Variants in PCDHA1 observed in about 807,000 individuals in gnomAD.
The protein encoded by PCDHA1 is protocadherin alpha 1.
A neutral mutation model predicts 61.3 loss-of-function variants in PCDHA1; 42 were observed. The observed-to-expected ratio is 0.69, with a 90% CI of 0.54 to 0.89. The LOEUF (loss-of-function observed/expected upper bound fraction) is 0.89, where lower values mean the gene tolerates loss of function less well. Ranked by LOEUF, PCDHA1 falls within the 40% of genes least tolerant of loss-of-function variation. The probability of loss-of-function intolerance (pLI) is 0.00; values close to 1 mark genes in which losing one functional copy is unlikely to be tolerated. For missense variants in PCDHA1, 1,256 were observed against 1,235.3 expected, an observed-to-expected ratio of 1.02 and a Z score of -0.25; for synonymous variants, 610 against 553.8, an observed-to-expected ratio of 1.10 and a Z score of -1.43.
chr5:140,795,675 C>T (rs1761982798), intron 1 of PCDHA1: 1 of 1,614,078 alleles, frequency 6.2e-7, no homozygotes, highest in Non-Finnish European at 8.5e-7. Flanking sequence ...ATGTAAATGA[C>T]AATGAACCAA....
chr5:140,809,511 G>A lies in PCDHA1; in HGVS notation c.2394+20827G>A, dbSNP rs374214403. On this transcript the variant is annotated intron_variant, in intron 1 of 3. Coordinates refer to ENST00000504120, the MANE Select transcript of PCDHA1 (RefSeq NM_018900.4). ...ACCGACCTCATGGCCTTCAGCCCCA[G>A]TTTACCTGACTCTAGGGACAGAGAA... 1.3e-5 allele frequency: 21 copies of A among 1,614,228 alleles called. No individual in the cohort carries two copies. The African/African-American group carries it at 1.9e-4, about 14-fold the overall frequency.
In PCDHA1 at chr5:140,857,765, G is replaced by A. The variant is rs374400381; in HGVS notation, c.2394+69081G>A. The stretch of plus-strand genomic sequence containing the variant: ...GCTGGCGTCTCCCGCTGGCAGCGCG[G>A]GCGGTGCAGTCAGTGAGCTGGTGCT... On this transcript the variant is annotated intron_variant, in intron 1 of 3. Coordinates refer to ENST00000504120, the MANE Select transcript of PCDHA1 (RefSeq NM_018900.4). The A allele has an allele frequency of 6.1e-5, 98 of 1,597,608 alleles. 8 individuals are homozygous for A. In the African/African-American group the frequency reaches 1.2e-3, roughly 19 times the overall value.
chr5:140,927,939 A>G (rs782391525), intron 1 of PCDHA1: 1 of 1,614,234 alleles, frequency 6.2e-7, no homozygotes, highest in Non-Finnish European at 8.5e-7. Flanking sequence ...CGAACCCAGT[A>G]CCTGAGGACG....
chr5:140,869,043 A>G, intron 1 of PCDHA1: 2 of 1,530,132 alleles, frequency 1.3e-6, no homozygotes, highest in Non-Finnish European at 1.8e-6. Flanking sequence ...TTAACCTGAA[A>G]CTGAAGAATC....
intron 1 of PCDHA1, among the ~76,000 whole-genome samples, chr5:140,950,723 A>G (rs1478275346): frequency 1.3e-5 from 2 of 151,984 alleles, no homozygotes; most frequent in African/African-American, 4.8e-5. Flanking sequence ...ATATCCTTAA[A>G]TTTTTTAATC....
At chr5:140,861,033 G>A (rs1443263351) in intron 1 of PCDHA1, 1 of 152,266 alleles carries the variant, frequency 6.6e-6, no homozygotes, top group Non-Finnish European at 1.5e-5. Flanking sequence ...CCGGCCGAAA[G>A]GTATTTTTTT....
chr5:140,877,179 G>A (rs1554169418), intron 1 of PCDHA1: 8 of 1,613,712 alleles, frequency 5.0e-6, no homozygotes, highest in East Asian at 2.2e-5. Flanking sequence ...TGGCGACTCC[G>A]GCTGGCAGCG....
Position 140,858,148 on chromosome 5 carries a change from C to T in PCDHA1, c.2394+69464C>T, listed in dbSNP as rs189442889. The T allele has an allele frequency of 6.1e-4, 978 of 1,597,640 alleles. 22 individuals are homozygous for T. In the East Asian group the frequency reaches 0.021, roughly 34 times the overall value. On this transcript the variant is annotated intron_variant, in intron 1 of 3. Coordinates refer to ENST00000504120, the MANE Select transcript of PCDHA1 (RefSeq NM_018900.4). ...TGGATGTCAACGTGTACCTGATCAT[C>T]GCCATCTGCGCGGTGTCCAGCTTGC...
At chr5:140,968,665 T>C (rs782078145) in intron 1 of PCDHA1, 4 of 1,614,042 alleles carry the variant, frequency 2.5e-6, no homozygotes, top group Non-Finnish European at 3.4e-6. Context: ...TGGACCTCTT[T>C]AAGGTAGAGC....
At chr5:140,927,619 C>T (rs2084429859) in intron 1 of PCDHA1, 3 of 1,614,170 alleles carry the variant, frequency 1.9e-6, no homozygotes, top group Non-Finnish European at 2.5e-6. Flanking sequence ...CACCAAGGTT[C>T]CAGAGACTGC....
intron 2 of PCDHA1, among the ~76,000 whole-genome samples, chr5:140,980,947 G>T (rs1430215851): frequency 6.6e-6 from 1 of 152,032 alleles, no homozygotes; most frequent in Non-Finnish European, 1.5e-5. Context: ...GCTGGCTCCA[G>T]GATAGTTACA....
intron 1 of PCDHA1, chr5:140,795,155 T>G: frequency 6.2e-7 from 1 of 1,614,044 alleles, no homozygotes; most frequent in Non-Finnish European, 8.5e-7. Flanking sequence ...CCGCGCCTGT[T>G]CCGGGTGGCG....
Position 140,901,601 on chromosome 5 carries a change from A to T in PCDHA1, c.2395-77348A>T, listed in dbSNP as rs1448240708. Among the ~76,000 whole-genome samples, 3 of 152,078 alleles carry T rather than the reference A, an allele frequency of 2.0e-5. 1 individual carries two copies. The highest frequency in any genetic ancestry group is 1.3e-4 in the Admixed American group (2 of 15,264). On this transcript the variant is annotated intron_variant, in intron 1 of 3. Transcript: ENST00000504120. Reference sequence around the variant, plus strand: ...AGTGCCATGATGTTTTGGTTACTATATCTCTATGGTATAATTTGAAGTCAG... The same window carrying T: ...AGTGCCATGATGTTTTGGTTACTATTTCTCTATGGTATAATTTGAAGTCAG...
Position 140,929,023 on chromosome 5 carries a change from C to G in PCDHA1, c.2395-49926C>G, listed in dbSNP as rs2085741813. On this transcript the variant is annotated intron_variant, in intron 1 of 3. Transcript: ENST00000504120. ...CGTGTGTACCAAGTTGCACCAGAGCCCAGGCTGTTGCGCTCAGAGCTGCTG... is the reference window on the plus strand; with the variant it reads ...CGTGTGTACCAAGTTGCACCAGAGCGCAGGCTGTTGCGCTCAGAGCTGCTG... 2.5e-6 allele frequency: 4 copies of G among 1,614,056 alleles called. No homozygotes were observed. The Admixed American group carries it at 6.7e-5, about 27-fold the overall frequency.
At chr5:140,883,296 TA>T (rs1389927639) in intron 1 of PCDHA1, 1 of 1,613,994 alleles carries the variant, frequency 6.2e-7, no homozygotes, top group African/African-American at 1.3e-5. Flanking sequence ...GTACTAGATG[TA>T]AATGATAACG....
At chr5:140,894,656 C>T (rs2064591261) in intron 1 of PCDHA1, among the ~76,000 whole-genome samples, 2 of 151,616 alleles carry the variant, frequency 1.3e-5, no homozygotes, top group Non-Finnish European at 2.9e-5. Flanking sequence ...CTCTCTAATT[C>T]TGATTTGTGT....
chr5:140,861,207 AC>A (rs2046795908), intron 1 of PCDHA1: 1 of 165,948 alleles, frequency 6.0e-6, no homozygotes, highest in East Asian at 1.8e-4. Context: ...TGTTTTACTA[AC>A]CAAAAGAGAG....
At chr5:140,813,358 CT>C (rs1554126173) in intron 1 of PCDHA1, 1 of 152,170 alleles carries the variant, frequency 6.6e-6, no homozygotes, top group Non-Finnish European at 1.5e-5. Flanking sequence ...ATAGTATAGC[CT>C]ACTACAGACC....
At chr5:140,822,605 T>C (rs1335450895) in intron 1 of PCDHA1, 6 of 1,607,780 alleles carry the variant, frequency 3.7e-6, no homozygotes, top group Non-Finnish European at 5.1e-6. Flanking sequence ...AAGGAAATAG[T>C]GTATTTCTTT....
Sources: gnomAD v4.1 joint callset for allele counts (sites outside exome capture counted in the v4.1 genomes callset) on GRCh38, gnomAD v4.1.1 for gene constraint, MANE v1.5 for transcripts, NCBI Gene and HGNC (gene_info 2026-07-23, HGNC 2026-07-21) for gene names.